PPP2R2B: variants seen among roughly 807,000 people sequenced by gnomAD.
PPP2R2B encodes the protein protein phosphatase 2 regulatory subunit Bbeta.
In PPP2R2B, 5 loss-of-function variants were observed where a neutral mutation model predicts 46.0. That is an observed-to-expected ratio of 0.11 (90% confidence interval 0.06 to 0.23). The LOEUF (loss-of-function observed/expected upper bound fraction) is 0.23. Ranked by LOEUF, PPP2R2B falls within the 10% of genes least tolerant of loss-of-function variation. The pLI is 1.00. For synonymous variants in PPP2R2B, 215 were observed against 206.7 expected (o/e 1.04, Z -0.34); for missense variants, 367 against 575.0 (o/e 0.64, Z 3.70).
In PPP2R2B at chr5:146,809,937, G is replaced by T. The variant is rs1757422505; in HGVS notation, c.70+68065C>A. 2.6e-5 allele frequency among the ~76,000 whole-genome samples: 4 copies of T among 152,164 alleles called. No individual in the cohort carries two copies. In the South Asian group the frequency reaches 8.3e-4, roughly 32 times the overall value. On this transcript the variant is annotated intron_variant, in intron 2 of 9. Transcript: ENST00000394411. Reference sequence around the variant, plus strand: ...GGGATAGAGATAAGTGAAGAAATCTGTGAGATATCTTGGGGGAGTACAAAA... The same window carrying T: ...GGGATAGAGATAAGTGAAGAAATCTTTGAGATATCTTGGGGGAGTACAAAA...
intron 8 of PPP2R2B, 74 bp downstream of exon 8, chr5:146,600,217 T>G (rs1771643729): frequency 6.6e-7 from 1 of 1,522,676 alleles, no homozygotes; most frequent in East Asian, 2.3e-5. Context: ...CTGTAAACCT[T>G]TGGAAGCAGG....
At chr5:146,697,413 A>G (rs1211833357) in intron 4 of PPP2R2B, among the ~76,000 whole-genome samples, 1 of 152,090 alleles carries the variant, frequency 6.6e-6, no homozygotes, top group African/African-American at 2.4e-5. Flanking sequence ...ATTTATGTCA[A>G]CTCCTCCTCA....
At chr5:146,645,628 A>G (rs1427455613) in intron 6 of PPP2R2B, among the ~76,000 whole-genome samples, 2 of 152,182 alleles carry the variant, frequency 1.3e-5, no homozygotes, top group African/African-American at 4.8e-5. Context: ...AGTTGAGGCT[A>G]CCTGGTCCCT....
At chr5:146,747,410 C>T (rs898411568) in intron 2 of PPP2R2B, among the ~76,000 whole-genome samples, 6 of 152,148 alleles carry the variant, frequency 3.9e-5, no homozygotes, top group African/African-American at 1.4e-4. Context: ...CACTCCAGGG[C>T]ATCATGGCAT....
At chr5:146,747,764 A>G (rs919763118) in intron 2 of PPP2R2B, among the ~76,000 whole-genome samples, 7 of 152,170 alleles carry the variant, frequency 4.6e-5, no homozygotes, top group Non-Finnish European at 1.0e-4. Flanking sequence ...TCTTCAATTT[A>G]TGTTACTATG....
At chr5:147,001,907 A>G (rs949489277) in intron 1 of PPP2R2B, among the ~76,000 whole-genome samples, 7 of 152,256 alleles carry the variant, frequency 4.6e-5, no homozygotes, top group African/African-American at 1.7e-4. Context: ...GGCTGAGCCA[A>G]GGGTCAACAG....
intron 2 of PPP2R2B, among the ~76,000 whole-genome samples, chr5:146,772,878 C>G (rs1244989247): frequency 6.6e-6 from 1 of 152,182 alleles, no homozygotes; most frequent in Non-Finnish European, 1.5e-5. Context: ...GGGCATAACA[C>G]TAGACTAATC....
rs1374945220 is a variant in PPP2R2B at position 146,701,098 on chromosome 5, G to C, written c.115C>G (p.Leu39Val). The part of the protein sequence containing the change: ...TVEFNHTGEL[L>V]ATGDKGGRVV... ...CGACCCCCCTTGTCCCCTGTCGCTA[G>C]TAATTCTCCCGTGTGGTTGAATTCT... The change falls in exon 3 of 10, where the codon CTA becomes GTA. Residue 39 changes from leucine to valine, a missense_variant. Leu to Val is a conservative substitution (Grantham distance 32). This residue lies in a region of PPP2R2B where 361 missense variants were observed against 545.5 expected (regional missense o/e 0.66). Coordinates refer to ENST00000394411, the MANE Select transcript of PPP2R2B (RefSeq NM_181675.4). 6.2e-7 allele frequency: 1 copy of C among 1,614,078 alleles called. No homozygotes were observed. The highest frequency in any genetic ancestry group is 8.5e-7 in the Non-Finnish European group (1 of 1,179,950).
chr5:146,693,214 CT>C (rs1235630078), intron 4 of PPP2R2B, among the ~76,000 whole-genome samples: 3 of 150,390 alleles, frequency 2.0e-5, no homozygotes, highest in African/African-American at 7.4e-5. Context: ...CCCTTCCTCT[CT>C]TCTTCTTTTT....
chr5:147,053,853 C>T (rs1290084885), intron 1 of PPP2R2B, among the ~76,000 whole-genome samples: 1 of 152,206 alleles, frequency 6.6e-6, no homozygotes, highest in Non-Finnish European at 1.5e-5. Context: ...AATCAAGTGA[C>T]CTGGCACTGC....
At chr5:146,843,231 T>C (rs929453223) in intron 2 of PPP2R2B, among the ~76,000 whole-genome samples, 2 of 152,222 alleles carry the variant, frequency 1.3e-5, no homozygotes, top group African/African-American at 4.8e-5. Flanking sequence ...CAGTGAATAA[T>C]GATCAATTTG....
At position 146,643,607 on chromosome 5, in the gene PPP2R2B, G is replaced by A. The variant is rs551507856; in HGVS notation, c.626-5192C>T. On this transcript the variant is annotated intron_variant, in intron 6 of 9. Transcript: ENST00000394411. ...ACTCAGGGGGAAAGGGTGGGAAGGA[G>A]GTGAGGGATAAAAGACTACAAATTG... Among the ~76,000 whole-genome samples, 29 of 152,248 alleles carry A rather than the reference G, an allele frequency of 1.9e-4. No homozygotes were observed. In the South Asian group the frequency reaches 6.0e-3, roughly 32 times the overall value.
chr5:146,789,053 T>A (rs1756026570), intron 2 of PPP2R2B, among the ~76,000 whole-genome samples: 1 of 152,166 alleles, frequency 6.6e-6, no homozygotes, highest in Non-Finnish European at 1.5e-5. Context: ...TTCAAATATG[T>A]TGGAATGAAC....
chr5:146,739,972 G>A (rs1752767695), intron 2 of PPP2R2B, among the ~76,000 whole-genome samples: 1 of 152,294 alleles, frequency 6.6e-6, no homozygotes, highest in East Asian at 1.9e-4. Flanking sequence ...AAAATACTTG[G>A]AAAAATGTGG....
chr5:146,590,264 CTG>C (rs1423357969), intron 9 of PPP2R2B, 38 bp from the exon 10 acceptor site: 2 of 1,589,434 alleles, frequency 1.3e-6, no homozygotes, highest in African/African-American at 2.8e-5. Flanking sequence ...CATATCTTCA[CTG>C]TCTTTTCTTT....
chr5:146,834,222 C>A (rs988391077), intron 2 of PPP2R2B, among the ~76,000 whole-genome samples: 1 of 151,998 alleles, frequency 6.6e-6, no homozygotes, highest in Admixed American at 6.6e-5. Context: ...ATACATAATC[C>A]ATTTCATTCT....
rs903024764 is a variant in PPP2R2B, at chr5:146,680,826, A to C, written c.447+10302T>G. On this transcript the variant is annotated intron_variant, in intron 5 of 9. Transcript: ENST00000394411. ...AACAAACACAAACCTAACACCTTTC[A>C]GGTAGAAAATTCCTTTCCTTGTTGC... Among the ~76,000 whole-genome samples, 3 of 152,334 alleles carry C rather than the reference A, an allele frequency of 2.0e-5. No individual in the cohort carries two copies. The East Asian group carries it at 5.8e-4, about 29-fold the overall frequency.
At chr5:146,953,816 T>A (rs1751742482) in intron 1 of PPP2R2B, among the ~76,000 whole-genome samples, 1 of 152,184 alleles carries the variant, frequency 6.6e-6, no homozygotes, top group Admixed American at 6.5e-5. Context: ...ATGTATCCAA[T>A]GCCAAACTCC....
chr5:146,950,287 A>G (rs563219756), intron 1 of PPP2R2B, among the ~76,000 whole-genome samples: 5 of 152,132 alleles, frequency 3.3e-5, no homozygotes. Context: ...GCAATCAGGG[A>G]ACTTTGAACA....
Sources: gnomAD v4.1 joint callset for allele counts (sites outside exome capture counted in the v4.1 genomes callset) on GRCh38, gnomAD v4.1.1 for gene constraint, gnomAD v4.1.1 regional missense constraint, MANE v1.5 for transcripts, NCBI Gene and HGNC (gene_info 2026-07-23, HGNC 2026-07-21) for gene names.